Variants in CES5A observed in about 807,000 individuals in gnomAD.
CES5A encodes the protein carboxylesterase 5A, also known as carboxylesterase 5.
Under a neutral mutation model 62.9 loss-of-function variants are expected in CES5A, and 67 were observed. The ratio of observed to expected loss-of-function variants is 1.07; its 90% confidence interval spans 0.88 to 1.31. The LOEUF is 1.31. Ranked by LOEUF, CES5A falls within the 50% of genes most tolerant of loss-of-function variation. The probability of loss-of-function intolerance (pLI) is 0.00; values close to 1 mark genes in which losing one functional copy is unlikely to be tolerated. For missense variants in CES5A, 748 were observed against 708.5 expected, an observed-to-expected ratio of 1.06 and a Z score of -0.63; for synonymous variants, 296 against 280.8, an observed-to-expected ratio of 1.05 and a Z score of -0.54.
Position 55,852,979 on chromosome 16 carries a change from T to C in CES5A, c.1175A>G (p.Asp392Gly), listed in dbSNP as rs200026923. 1.2e-6 allele frequency: 2 copies of C among 1,614,098 alleles called. No individual in the cohort carries two copies. The highest frequency in any genetic ancestry group is 2.2e-5 in the East Asian group (1 of 44,872). The change falls in exon 10 of 13, where the codon GAC becomes GGC. Residue 392 changes from aspartate to glycine, a missense_variant. Physicochemically the swap from Asp to Gly is moderately conservative, Grantham distance 94. Transcript: ENST00000290567. ...LHLVANEYFH[D>G]KHSLTEIRDS... is the part of the protein sequence containing the mutation. ...TCGGATTTCAGTCAGGGAGTGCTTGTCATGGAAGTATTCATTAGCCACAAG... is the reference window on the plus strand; with the variant it reads ...TCGGATTTCAGTCAGGGAGTGCTTGCCATGGAAGTATTCATTAGCCACAAG...
chr16:55,910,581 C>T (rs1216078988), intron 1 of CES5A, among the ~76,000 whole-genome samples: 2 of 152,224 alleles, frequency 1.3e-5, no homozygotes, highest in African/African-American at 4.8e-5. Flanking sequence ...TCCGTGAGTA[C>T]CACATAAAGC....
chr16:55,873,642 C>G (rs892413049), intron 2 of CES5A, among the ~76,000 whole-genome samples, 191 bp downstream of exon 2: 1 of 152,124 alleles, frequency 6.6e-6, no homozygotes, highest in South Asian at 2.1e-4. Context: ...TTTAAAGATG[C>G]CTCCAGTGAC....
At chr16:55,859,429 G>T (rs1229027217) in intron 8 of CES5A, 118 bp downstream of exon 8, 9 of 945,176 alleles carry the variant, frequency 9.5e-6, no homozygotes, top group Non-Finnish European at 1.5e-5. Flanking sequence ...CTGTGTGCTT[G>T]GCTGGTGGGC....
At chr16:55,849,912 T>A in intron 10 of CES5A, 139 bp from the exon 11 acceptor site, 2 of 860,762 alleles carry the variant, frequency 2.3e-6, no homozygotes, top group Non-Finnish European at 3.5e-6. Flanking sequence ...CCCTTCCTCA[T>A]TTGAGGCTGG....
At position 55,869,597 on chromosome 16, in the gene CES5A, T is replaced by C; in HGVS notation, c.551+14A>G. 1 of 1,612,834 alleles carries C rather than the reference T, an allele frequency of 6.2e-7. No individual in the cohort carries two copies. Among genetic ancestry groups the C allele is most frequent in the Non-Finnish European group, 8.5e-7 (1 of 1,179,386 alleles). ...TTTGGGGATCTGGGATGTCCATCAT[T>C]TGGAGAGACTCACGTGAAGAAACCA... On this transcript the variant is annotated intron_variant, in intron 4 of 12. Coordinates refer to ENST00000290567, the MANE Select transcript of CES5A (RefSeq NM_001143685.2).
At chr16:55,869,259 C>T (rs2033532808) in intron 4 of CES5A, among the ~76,000 whole-genome samples, 1 of 152,194 alleles carries the variant, frequency 6.6e-6, no homozygotes, top group Non-Finnish European at 1.5e-5. Flanking sequence ...GCATGATCCT[C>T]CATGCTGTCT....
At chr16:55,911,288 G>A (rs1157269364) in intron 1 of CES5A, among the ~76,000 whole-genome samples, 1 of 152,210 alleles carries the variant, frequency 6.6e-6, no homozygotes, top group East Asian at 1.9e-4. Context: ...CTGTAAGTGA[G>A]TGAAGTAGAA....
chr16:55,849,810 G>A (rs2033093031), intron 10 of CES5A, 37 bp from the exon 11 acceptor site: 3 of 1,605,078 alleles, frequency 1.9e-6, no homozygotes, highest in East Asian at 2.2e-5. Context: ...CATGCATGCA[G>A]CGCGGAGCAG....
chr16:55,861,396 C>A lies in CES5A; in HGVS notation c.915+16G>T. ...AAGGGCAAGCCTGCCCCCAAAACTG[C>A]CCCCTCTGTCCTCACCTGGCTGAGG... On this transcript the variant is annotated intron_variant, in intron 7 of 12. Coordinates refer to ENST00000290567, the MANE Select transcript of CES5A (RefSeq NM_001143685.2). 6.6e-7 allele frequency: 1 copy of A among 1,521,794 alleles called. No individual in the cohort carries two copies. The highest frequency in any genetic ancestry group is 9.1e-7 in the Non-Finnish European group (1 of 1,096,998). The allele number at this position is 1,521,794 out of a possible 1,614,324, so 94.3% of individuals were successfully genotyped here.
At chr16:55,875,120 G>C in intron 1 of CES5A, 29 bp downstream of exon 1, 2 of 1,604,942 alleles carry the variant, frequency 1.2e-6, no homozygotes, top group Non-Finnish European at 1.7e-6. Flanking sequence ...CATCTTCTGA[G>C]AGCCCTCCTT....
At chr16:55,946,847 T>C (rs56758148) in intron 2 of CES5A, among the ~76,000 whole-genome samples, 41,248 of 152,130 alleles carry the variant, frequency 0.27, 6,081 homozygotes, top group Non-Finnish European at 0.33. Context: ...ATCCCTCAGT[T>C]CTTGGACCAC....
intron 2 of CES5A, among the ~76,000 whole-genome samples, chr16:55,935,721 CTG>C (rs1406507847): frequency 5.9e-5 from 9 of 152,024 alleles, no homozygotes; most frequent in Non-Finnish European, 7.4e-5. Flanking sequence ...GGGTAGATGT[CTG>C]TGTGTAACTT....
chr16:55,912,621 G>A (rs2034106414), intron 1 of CES5A, among the ~76,000 whole-genome samples: 1 of 152,054 alleles, frequency 6.6e-6, no homozygotes, highest in African/African-American at 2.4e-5. Context: ...AGAGGAGGAA[G>A]AGAAGGAGCA....
intron 1 of CES5A, among the ~76,000 whole-genome samples, chr16:55,885,281 A>C (rs546070068): frequency 6.6e-6 from 1 of 152,280 alleles, no homozygotes; most frequent in South Asian, 2.1e-4. Flanking sequence ...CAATCACCCA[A>C]GATGATATCC....
At chr16:55,928,314 G>A (rs1284814401), upstream of CES5A, among the ~76,000 whole-genome samples, 1 of 152,168 alleles carries the variant, frequency 6.6e-6, no homozygotes, top group Non-Finnish European at 1.5e-5. Flanking sequence ...AAGTAACTCA[G>A]GAACGGAAAG....
intron 1 of CES5A, among the ~76,000 whole-genome samples, chr16:55,894,513 A>AG (rs1422095230): frequency 7.2e-6 from 1 of 139,716 alleles, no homozygotes; most frequent in Non-Finnish European, 1.6e-5. Flanking sequence ...AAAAAAAAAA[A>AG]AAGAAAAGAA....
intron 1 of CES5A, among the ~76,000 whole-genome samples, chr16:55,884,723 C>T (rs1194212818): frequency 1.3e-5 from 2 of 152,178 alleles, no homozygotes. Flanking sequence ...TCCCAAGTAG[C>T]TTTGACTACA....
chr16:55,856,476 A>G (rs1484023928), intron 8 of CES5A, 31 bp from the exon 9 acceptor site: 10 of 1,609,314 alleles, frequency 6.2e-6, no homozygotes, highest in Non-Finnish European at 7.7e-6. Context: ...TCTGTAAGCC[A>G]TCTGGTCATG....
chr16:55,903,571 G>A (rs2034011454), intron 1 of CES5A, among the ~76,000 whole-genome samples: 1 of 152,092 alleles, frequency 6.6e-6, no homozygotes, highest in African/African-American at 2.4e-5. Context: ...CAATCCACAG[G>A]GATATAATGG....
Sources: allele counts gnomAD v4.1 joint callset (sites outside exome capture counted in the v4.1 genomes callset), GRCh38; gene constraint gnomAD v4.1.1; transcripts MANE v1.5; gene names NCBI Gene and HGNC (gene_info 2026-07-23, HGNC 2026-07-21).